Variants in DPYD observed in about 807,000 individuals in gnomAD.
DPYD encodes dihydropyrimidine dehydrogenase [NADP(+)].
Under a neutral mutation model 116.2 loss-of-function variants are expected in DPYD, and 109 were observed. The observed-to-expected ratio is 0.94, with a 90% CI of 0.80 to 1.10. The LOEUF (loss-of-function observed/expected upper bound fraction) is 1.10. Among genes scored for constraint, DPYD ranks in the 50% least tolerant of loss-of-function variants. The pLI, the probability that DPYD is intolerant of heterozygous loss-of-function variation, is 0.00. For missense variants in DPYD, 1,302 were observed against 1,254.5 expected (o/e 1.04, Z -0.57); for synonymous variants, 440 against 432.0 (o/e 1.02, Z -0.23).
intron 12 of DPYD, chr1:97,545,983 T>A: frequency 7.6e-7 from 1 of 1,324,116 alleles, no homozygotes; most frequent in Non-Finnish European, 1.1e-6. Context: ...TATGAAGAGG[T>A]TATGGCTGTC....
At chr1:97,446,631 T>TG (rs1181114827) in intron 14 of DPYD, among the ~76,000 whole-genome samples, 1 of 152,210 alleles carries the variant, frequency 6.6e-6, no homozygotes, top group East Asian at 1.9e-4. Context: ...GATTCACTGC[T>TG]GAAGCCCTAC....
rs1011715947 is a variant in DPYD, at chr1:97,785,748, A to G, written c.233+42366T>C. Among the ~76,000 whole-genome samples, 14 of 124,978 alleles carry G rather than the reference A, an allele frequency of 1.1e-4. No homozygotes were observed. The Admixed American group carries it at 1.4e-3, about 13-fold the overall frequency. The allele number at this position is 124,978 out of a possible 152,430, so 82.0% of individuals were successfully genotyped here. A position where few individuals can be genotyped will look rare whatever the true frequency, so the allele number is the denominator to read the frequency against. On this transcript the variant is annotated intron_variant, in intron 3 of 22. Transcript: ENST00000370192. ...CGCTCTGTCACCCAGGCTGGAGTGC[A>G]GTGGCACATTCTCCGCTCACTGCAA... is the stretch of plus-strand genomic sequence containing the variant.
At chr1:97,549,180 C>A (rs1651129167) in intron 12 of DPYD, among the ~76,000 whole-genome samples, 1 of 152,070 alleles carries the variant, frequency 6.6e-6, no homozygotes, top group African/African-American at 2.4e-5. Flanking sequence ...GATCCTCCCA[C>A]CTCAGCCTCC....
intron 14 of DPYD, among the ~76,000 whole-genome samples, chr1:97,400,999 T>G (rs1171490935): frequency 6.6e-6 from 1 of 152,144 alleles, no homozygotes; most frequent in East Asian, 1.9e-4. Context: ...TTATGAATTT[T>G]GGCTATTCTA....
At chr1:97,134,382 T>C (rs763347432) in intron 20 of DPYD, among the ~76,000 whole-genome samples, 19 of 152,082 alleles carry the variant, frequency 1.2e-4, no homozygotes, top group Non-Finnish European at 2.4e-4. Flanking sequence ...TGAGCATGAG[T>C]TCTGAAACAG....
intron 1 of DPYD, among the ~76,000 whole-genome samples, chr1:97,894,291 C>G (rs1306596930): frequency 6.6e-6 from 1 of 151,794 alleles, no homozygotes; most frequent in East Asian, 1.9e-4. Flanking sequence ...CCCTCATGAC[C>G]TCATCTACCC....
chr1:97,619,123 T>G (rs1449556851), intron 8 of DPYD, among the ~76,000 whole-genome samples: 4 of 152,202 alleles, frequency 2.6e-5, no homozygotes, highest in Non-Finnish European at 5.9e-5. Context: ...TTTTGTTGTT[T>G]TATTTCATAC....
intron 3 of DPYD, among the ~76,000 whole-genome samples, chr1:97,759,215 T>C (rs990173813): frequency 4.6e-5 from 7 of 152,162 alleles, no homozygotes; most frequent in Non-Finnish European, 1.0e-4. Context: ...GCTGCATTGG[T>C]GTTCAGAAAT....
intron 10 of DPYD, among the ~76,000 whole-genome samples, chr1:97,589,026 C>T (rs1228906883): frequency 6.6e-6 from 1 of 152,128 alleles, no homozygotes. Context: ...CTCAGACCCA[C>T]CCCAGACTTA....
chr1:97,707,831 G>C (rs966156984), intron 5 of DPYD, among the ~76,000 whole-genome samples: 3 of 151,854 alleles, frequency 2.0e-5, no homozygotes, highest in African/African-American at 7.3e-5. Flanking sequence ...TAAGGTCTTT[G>C]TATCATTTTT....
At chr1:97,459,547 A>G (rs1057486629) in intron 13 of DPYD, among the ~76,000 whole-genome samples, 2 of 152,188 alleles carry the variant, frequency 1.3e-5, no homozygotes, top group Admixed American at 1.3e-4. Flanking sequence ...GACTACTCAC[A>G]AAAATAAAAA....
At chr1:97,169,111 G>A (rs1656534391) in intron 20 of DPYD, among the ~76,000 whole-genome samples, 1 of 152,100 alleles carries the variant, frequency 6.6e-6, no homozygotes, top group South Asian at 2.1e-4. Context: ...GCCTCTCAAA[G>A]TGTTGGGATT....
At chr1:97,827,718 T>C (rs1047265112) in intron 3 of DPYD, among the ~76,000 whole-genome samples, 27 of 152,052 alleles carry the variant, frequency 1.8e-4, no homozygotes, top group African/African-American at 5.3e-4. Flanking sequence ...AAGATGAAAA[T>C]GTAAGTACCT....
At chr1:97,540,248 C>G (rs987387770) in intron 12 of DPYD, among the ~76,000 whole-genome samples, 1 of 147,000 alleles carries the variant, frequency 6.8e-6, no homozygotes, top group African/African-American at 2.5e-5. Flanking sequence ...TCTGACCAAC[C>G]AGCTATAAAC....
chr1:97,432,327 T>G (rs757629525), intron 14 of DPYD, among the ~76,000 whole-genome samples: 22 of 152,284 alleles, frequency 1.4e-4, no homozygotes, highest in Non-Finnish European at 8.8e-5. Context: ...TACTATGTCT[T>G]CAACTTCACT....
At chr1:97,501,717 A>G (rs1679596637) in intron 13 of DPYD, among the ~76,000 whole-genome samples, 1 of 152,030 alleles carries the variant, frequency 6.6e-6, no homozygotes, top group Admixed American at 6.6e-5. Context: ...AATCTTACTC[A>G]TGTTAATAGC....
intron 5 of DPYD, among the ~76,000 whole-genome samples, chr1:97,713,079 T>G (rs1662385436): frequency 6.6e-6 from 1 of 152,090 alleles, no homozygotes; most frequent in South Asian, 2.1e-4. Flanking sequence ...TTCATTAAAT[T>G]TTACTTATCA....
At chr1:97,304,358 C>T (rs911871799) in intron 18 of DPYD, among the ~76,000 whole-genome samples, 1 of 152,014 alleles carries the variant, frequency 6.6e-6, no homozygotes, top group Non-Finnish European at 1.5e-5. Context: ...CGTCAGCCTT[C>T]TTCTTTCTGA....
chr1:97,346,185 TTA>T (rs1669831457), intron 16 of DPYD, among the ~76,000 whole-genome samples: 1 of 151,880 alleles, frequency 6.6e-6, no homozygotes, highest in Admixed American at 6.6e-5. Context: ...AGAGATTTAT[TTA>T]TGTTTTCCAT....
Sources: allele counts gnomAD v4.1 joint callset (sites outside exome capture counted in the v4.1 genomes callset), GRCh38; gene constraint gnomAD v4.1.1; transcripts MANE v1.5; gene names NCBI Gene and HGNC (gene_info 2026-07-23, HGNC 2026-07-21).